HTR3D: variants seen among roughly 807,000 people sequenced by gnomAD.
The protein encoded by HTR3D is 5-hydroxytryptamine (serotonin) receptor 3 family member D.
A neutral mutation model predicts 45.8 loss-of-function variants in HTR3D; 47 were observed. The observed-to-expected ratio is 1.03, with a 90% CI of 0.81 to 1.31. HTR3D has a LOEUF of 1.31. Among genes scored for constraint, HTR3D ranks in the 50% most tolerant of loss-of-function variants. HTR3D has a pLI of 0.00. For synonymous variants in HTR3D, 203 were observed against 199.8 expected, an observed-to-expected ratio of 1.02 and a Z score of -0.13; for missense variants, 448 against 506.9, an observed-to-expected ratio of 0.88 and a Z score of 1.12.
chr3:184,033,090 T>C, intron 1 of HTR3D: 2 of 1,488,170 alleles, frequency 1.3e-6, no homozygotes, highest in Non-Finnish European at 1.8e-6. Context: ...TGCAGTGGTC[T>C]AGTGGTGAGC....
Position 184,039,170 on chromosome 3 carries a change from A to G in HTR3D, c.*195A>G, listed in dbSNP as rs1471967617. ...CGGGTCCTTGCTCCTGCATGCCATC[A>G]GCCCCACTCAGCCCTCCCATACCTC... On this transcript the variant is annotated 3_prime_UTR_variant, in exon 8 of 8. Coordinates refer to ENST00000428798, the MANE Select transcript of HTR3D (RefSeq NM_001145143.1). 3.4e-6 allele frequency: 2 copies of G among 596,856 alleles called. No individual in the cohort carries two copies. The highest frequency in any genetic ancestry group is 5.8e-5 in the East Asian group (2 of 34,556). 37.0% of individuals were successfully genotyped at this position (596,856 alleles called of 1,614,324 possible).
chr3:184,034,589 T>C (rs1722831496), intron 1 of HTR3D, among the ~76,000 whole-genome samples: 1 of 138,526 alleles, frequency 7.2e-6, no homozygotes, highest in South Asian at 2.2e-4. Flanking sequence ...TGTTATATAT[T>C]TTTATCACAA....
At chr3:184,035,585 G>A (rs922130036) in intron 2 of HTR3D, among the ~76,000 whole-genome samples, 3 of 151,714 alleles carry the variant, frequency 2.0e-5, no homozygotes, top group East Asian at 1.9e-4. Flanking sequence ...AGAAATGGGC[G>A]AAAAAAGGAA....
At chr3:184,033,118 G>GTTTTT in intron 1 of HTR3D, 1 of 1,150,088 alleles carries the variant, frequency 8.7e-7, no homozygotes, top group Non-Finnish European at 1.2e-6. Context: ...CCTCTGACTG[G>GTTTTT]ATTTTTTTTT....
rs375457069 is a variant in HTR3D, at chr3:184,038,667, T to C, written c.985+43T>C. 2.4e-5 allele frequency: 38 copies of C among 1,579,756 alleles called. No homozygotes were observed. The highest frequency in any genetic ancestry group is 5.5e-5 in the Admixed American group (3 of 54,882). ...TCCTCTTCCCCCACCTCCACTTCTC[T>C]GCTCCTGCCTCCTTCCCTGTCTCCC... is the stretch of plus-strand genomic sequence containing the variant. On this transcript the variant is annotated intron_variant, in intron 7 of 7. Coordinates refer to ENST00000428798, the MANE Select transcript of HTR3D (RefSeq NM_001145143.1). The surrounding 1 kb of genome is among the most constrained non-coding windows in gnomAD (Gnocchi z 4.5).
In HTR3D at chr3:184,036,401, T is replaced by C; in HGVS notation, c.224T>C (p.Met75Thr). ...ESVDQTPAGL[M>T]ASMSIVKATS... ...GTGGATCAGACACCTGCAGGTCTCA[T>C]GGCTAGTATGTCAATAGTGAAGGCC... The change falls in exon 4 of 8, where the codon ATG becomes ACG. Residue 75 changes from methionine (M) to threonine (T), a missense_variant. Transcript: ENST00000428798. 2 of 1,614,226 alleles carry C rather than the reference T, an allele frequency of 1.2e-6. No individual in the cohort carries two copies. The highest frequency in any genetic ancestry group is 1.7e-6 in the Non-Finnish European group (2 of 1,180,046).
chr3:184,039,020 G>A lies in HTR3D; in HGVS notation c.*45G>A, dbSNP rs6789882. ...CTTCAGTCTGGACTTCTTTTTGCCAGAGAACTCCAGAAACCAGTCAGGCTC... is the reference window on the plus strand; with the variant it reads ...CTTCAGTCTGGACTTCTTTTTGCCAAAGAACTCCAGAAACCAGTCAGGCTC... On this transcript the variant is annotated 3_prime_UTR_variant, in exon 8 of 8. Transcript: ENST00000428798. The A allele has an allele frequency of 0.74, 1,181,838 of 1,596,330 alleles. 442,527 individuals are homozygous for A. The highest frequency in any genetic ancestry group is 0.99 in the East Asian group (44,371 of 44,760).
chr3:184,036,981 G>A (rs1471793615), intron 5 of HTR3D, 85 bp downstream of exon 5: 2 of 1,333,776 alleles, frequency 1.5e-6, no homozygotes, highest in Admixed American at 2.3e-5. Context: ...GCCCGCCTCG[G>A]CCTCCCAAAG....
chr3:184,037,901 G>T, intron 5 of HTR3D, 120 bp from the exon 6 acceptor site: 1 of 1,228,456 alleles, frequency 8.1e-7, no homozygotes, highest in Non-Finnish European at 1.1e-6. Context: ...TGAAAGGGAC[G>T]GGAGGTAATA....
intron 1 of HTR3D, among the ~76,000 whole-genome samples, chr3:184,032,642 G>A (rs955040478): frequency 1.8e-4 from 28 of 152,098 alleles, no homozygotes; most frequent in African/African-American, 4.6e-4. Flanking sequence ...GTAAAGTGGC[G>A]GTCGGGGTTG....
At chr3:184,033,913 T>C (rs1452341978) in intron 1 of HTR3D, among the ~76,000 whole-genome samples, 2 of 151,986 alleles carry the variant, frequency 1.3e-5, no homozygotes, top group African/African-American at 4.8e-5. Context: ...CAAGACTCTG[T>C]CTCAAAAAAA....
intron 1 of HTR3D, chr3:184,032,778 G>C: frequency 3.0e-6 from 4 of 1,337,160 alleles, no homozygotes; most frequent in Non-Finnish European, 4.2e-6. Context: ...ACTCTTCCTG[G>C]ACCAGGAAGG....
intron 1 of HTR3D, among the ~76,000 whole-genome samples, chr3:184,034,670 A>AGTT (rs1330802027): frequency 6.6e-6 from 1 of 152,142 alleles, no homozygotes; most frequent in East Asian, 1.9e-4. Flanking sequence ...AAATACAAAA[A>AGTT]GTTAGCTGGG....
At position 184,036,033 on chromosome 3, in the gene HTR3D, G is replaced by T; in HGVS notation, c.130G>T (p.Gly44Ter). Residue 44 changes from glycine to a stop codon, truncating the protein, a stop_gained, in exon 3 of 8, where the codon GGA (glycine) becomes TGA (stop). Coordinates refer to ENST00000428798, the MANE Select transcript of HTR3D (RefSeq NM_001145143.1). LOFTEE classifies it high-confidence loss of function. ...WLNMWNPDEC[G>*]GIKKSGMATE... ...TGTGCAGTGGAACCCAGATGAATGC[G>T]GAGGCATCAAGAAGTCCGGCATGGC... 1 of 1,551,592 alleles carries T rather than the reference G, an allele frequency of 6.4e-7. No homozygotes were observed.
intron 1 of HTR3D, chr3:184,032,984 G>C: frequency 6.4e-7 from 1 of 1,551,988 alleles, no homozygotes; most frequent in Non-Finnish European, 8.7e-7. Context: ...TGACAGAAAG[G>C]CTATTGGTCC....
Position 184,036,373 on chromosome 3 carries a change from A to G in HTR3D, c.198-2A>G. ...CCCTGTCCTTCTCCCACACAGCATCAGTGTGGATCAGACACCTGCAGGTCT... is the reference window on the plus strand; with the variant it reads ...CCCTGTCCTTCTCCCACACAGCATCGGTGTGGATCAGACACCTGCAGGTCT... On this transcript the variant is annotated splice_acceptor_variant, in intron 3 of 7. Transcript: ENST00000428798. LOFTEE classifies it high-confidence loss of function. The G allele has an allele frequency of 6.2e-7, 1 of 1,614,072 alleles. No homozygotes were observed. Among genetic ancestry groups the G allele is most frequent in the Non-Finnish European group, 8.5e-7 (1 of 1,179,994 alleles).
intron 1 of HTR3D, among the ~76,000 whole-genome samples, chr3:184,033,844 G>T (rs995371315): frequency 1.1e-4 from 17 of 152,174 alleles, no homozygotes; most frequent in Admixed American, 6.5e-5. Context: ...TTGAACCCAG[G>T]AGGCAGAGGT....
At chr3:184,032,814 C>A (rs1380768623) in intron 1 of HTR3D, 3 of 1,526,458 alleles carry the variant, frequency 2.0e-6, no homozygotes, top group Non-Finnish European at 2.7e-6. Context: ...TCTCCCAGTG[C>A]CCCCTGTTTT....
chr3:184,033,709 G>C (rs1722808609), intron 1 of HTR3D, among the ~76,000 whole-genome samples: 1 of 152,052 alleles, frequency 6.6e-6, no homozygotes, highest in Admixed American at 6.5e-5. Flanking sequence ...GTGAGGTCAG[G>C]AGTTCAAGAC....
Sources: allele counts gnomAD v4.1 joint callset (sites outside exome capture counted in the v4.1 genomes callset), GRCh38; gene constraint gnomAD v4.1.1; non-coding constraint Gnocchi (gnomAD v3.1); transcripts MANE v1.5; gene names NCBI Gene and HGNC (gene_info 2026-07-23, HGNC 2026-07-21).